DYSF: variants seen among roughly 807,000 people sequenced by gnomAD.
DYSF encodes the protein dystrophy-associated fer-1-like 1.
A neutral mutation model predicts 274.9 loss-of-function variants in DYSF; 212 were observed. The observed-to-expected ratio is 0.77, with a 90% CI of 0.69 to 0.86. DYSF has a LOEUF of 0.86. Ranked by LOEUF, DYSF falls within the 40% of genes least tolerant of loss-of-function variation. The pLI, the probability that DYSF is intolerant of heterozygous loss-of-function variation, is 0.00. For synonymous variants in DYSF, 1,091 were observed against 1,078.7 expected, an observed-to-expected ratio of 1.01 and a Z score of -0.22; for missense variants, 2,666 against 2,783.2, an observed-to-expected ratio of 0.96 and a Z score of 0.95.
intron 14 of DYSF, among the ~76,000 whole-genome samples, chr2:71,532,486 G>C (rs182844210): frequency 6.6e-6 from 1 of 152,364 alleles, no homozygotes; most frequent in East Asian, 1.9e-4. Context: ...CCCTGGCTGA[G>C]TGCCTGTGGG....
At chr2:71,481,068 G>A (rs1303391275) in intron 2 of DYSF, 130 bp downstream of exon 2, 2 of 912,928 alleles carry the variant, frequency 2.2e-6, no homozygotes, top group Non-Finnish European at 3.6e-6. Context: ...TGGTGGTCCA[G>A]CCTGCCAACG....
chr2:71,558,450 G>A (rs1559154187), intron 22 of DYSF, among the ~76,000 whole-genome samples: 1 of 152,178 alleles, frequency 6.6e-6, no homozygotes, highest in Non-Finnish European at 1.5e-5. Flanking sequence ...GGGCATCCCC[G>A]GGGCCCCAGA....
At chr2:71,467,521 T>G (rs1257185258) in intron 1 of DYSF, among the ~76,000 whole-genome samples, 3 of 152,206 alleles carry the variant, frequency 2.0e-5, no homozygotes, top group African/African-American at 7.2e-5. Flanking sequence ...CATGTAGTGC[T>G]TAGAATACAT....
At position 71,454,044 on chromosome 2, in the gene DYSF, G is replaced by C. The variant is rs140603487; in HGVS notation, c.46G>C (p.Asp16His). ...CTATGCCGAGAACGTCCACACACCC[G>C]ACACCGACATCAGCGATGCCTACTG... Residue 16 changes from aspartate to histidine, a missense_variant, in exon 1 of 55, where the codon GAC becomes CAC. Transcript: ENST00000258104. The C allele has an allele frequency of 1.6e-5, 26 of 1,614,030 alleles. No homozygotes were observed. The highest frequency in any genetic ancestry group is 1.0e-4 in the Admixed American group (6 of 60,006).
intron 41 of DYSF, among the ~76,000 whole-genome samples, chr2:71,632,518 A>G (rs1305701219): frequency 6.6e-6 from 1 of 152,178 alleles, no homozygotes; most frequent in Non-Finnish European, 1.5e-5. Context: ...AAGGCCTTCA[A>G]AAATAGTTTT....
At chr2:71,652,478 CA>C (rs2094683073) in intron 42 of DYSF, among the ~76,000 whole-genome samples, 1 of 152,050 alleles carries the variant, frequency 6.6e-6, no homozygotes. Flanking sequence ...ATAGTACCAA[CA>C]AAAGAAGCTT....
At chr2:71,625,755 T>A (rs143313059) in intron 41 of DYSF, among the ~76,000 whole-genome samples, 1,813 of 152,250 alleles carry the variant, frequency 0.012, 30 homozygotes, top group African/African-American at 0.041. Context: ...CAGACATTTT[T>A]ATTATATTGC....
chr2:71,464,785 T>C (rs1286830692), upstream of DYSF, among the ~76,000 whole-genome samples: 8 of 152,034 alleles, frequency 5.3e-5, no homozygotes, highest in East Asian at 7.7e-4. Flanking sequence ...GGATAGACCA[T>C]GGGGACAAGG....
intron 16 of DYSF, among the ~76,000 whole-genome samples, chr2:71,537,684 G>C (rs1179959557): frequency 6.6e-6 from 1 of 152,226 alleles, no homozygotes; most frequent in African/African-American, 2.4e-5. Flanking sequence ...GAAATACAAA[G>C]AGGAAGAAAG....
At chr2:71,560,226 G>GT (rs1316881181) in intron 22 of DYSF, among the ~76,000 whole-genome samples, 3 of 152,206 alleles carry the variant, frequency 2.0e-5, no homozygotes, top group Non-Finnish European at 4.4e-5. Context: ...GGTCCTAAAT[G>GT]TTTCTTGGGG....
intron 17 of DYSF, among the ~76,000 whole-genome samples, chr2:71,544,241 T>C (rs1261720840): frequency 2.6e-5 from 4 of 152,178 alleles, no homozygotes; most frequent in African/African-American, 9.7e-5. Context: ...CTGTTCAGTG[T>C]TGGTATCTCT....
chr2:71,478,305 G>A (rs565615217), intron 1 of DYSF, among the ~76,000 whole-genome samples: 3 of 151,306 alleles, frequency 2.0e-5, no homozygotes, highest in South Asian at 2.1e-4. Context: ...CCCGCCTCCT[G>A]GGTTCACGCC....
Position 71,466,865 on chromosome 2 carries a change from G to C in DYSF, c.23G>C (p.Arg8Thr). ...GCCATGCTGTGCTGCCTGCTGGTGA[G>C]GGCCAGCAACCTCCCCAGTGCGAAG... MLCCLLV[R>T]ASNLPSAKKD... The change falls in exon 1 of 56, where the codon AGG becomes ACG. Residue 8 changes from arginine (R) to threonine (T), a missense_variant. This residue lies in a region of DYSF where 794 missense variants were observed against 777.1 expected (regional missense o/e 1.02). Transcript: ENST00000410020. 2 of 1,545,854 alleles carry C rather than the reference G, an allele frequency of 1.3e-6. No individual in the cohort carries two copies. Among genetic ancestry groups the C allele is most frequent in the Non-Finnish European group, 1.8e-6 (2 of 1,142,786 alleles).
At position 71,547,725 on chromosome 2, in the gene DYSF, A is replaced by T. The variant is rs1051954714; in HGVS notation, c.1577-3316A>T. Among the ~76,000 whole-genome samples, 7 of 152,348 alleles carry T rather than the reference A, an allele frequency of 4.6e-5. No individual in the cohort carries two copies. In the South Asian group the frequency reaches 1.4e-3, roughly 32 times the overall value. On this transcript the variant is annotated intron_variant, in intron 17 of 55. Coordinates refer to ENST00000410020, the MANE Select transcript of DYSF (RefSeq NM_001130987.2). ...GAGGCAGGCTGCTTCGCAGCCACCC[A>T]CTTGATCCTCTGAGCCACCAGAGCC...
intron 42 of DYSF, among the ~76,000 whole-genome samples, chr2:71,654,916 AAAAAT>A (rs1279890920): frequency 2.6e-5 from 4 of 152,050 alleles, no homozygotes; most frequent in East Asian, 1.9e-4. Flanking sequence ...TCATCTCTAC[AAAAAT>A]AAAATAAAAT....
intron 41 of DYSF, among the ~76,000 whole-genome samples, chr2:71,624,334 A>G (rs2094166113): frequency 6.6e-6 from 1 of 152,090 alleles, no homozygotes; most frequent in South Asian, 2.1e-4. Flanking sequence ...TTTTAAGGAG[A>G]GCTTCTATTA....
At chr2:71,508,050 C>T (rs1472615805) in intron 4 of DYSF, among the ~76,000 whole-genome samples, 2 of 152,108 alleles carry the variant, frequency 1.3e-5, no homozygotes, top group African/African-American at 2.4e-5. Context: ...CTTGGAGGGC[C>T]GGAGTCAGCA....
chr2:71,602,719 C>T lies in DYSF; in HGVS notation c.3928-57C>T, dbSNP rs1006439097. The stretch of plus-strand genomic sequence containing the variant: ...TTGATACTAATAGAGAACTTTTTCC[C>T]CTTCCAACCCCTCTCACCATCTCCT... On this transcript the variant is annotated intron_variant, in intron 35 of 55. Transcript: ENST00000410020. The T allele has an allele frequency of 3.8e-6, 6 of 1,591,384 alleles. No homozygotes were observed. The African/African-American group carries it at 6.7e-5, about 18-fold the overall frequency.
chr2:71,655,218 CTAGT>C (rs1196157027), intron 42 of DYSF, among the ~76,000 whole-genome samples: 1 of 151,954 alleles, frequency 6.6e-6, no homozygotes, highest in Non-Finnish European at 1.5e-5. Context: ...GATCAAATAA[CTAGT>C]TATTTTTGAG....
Sources: allele counts gnomAD v4.1 joint callset (sites outside exome capture counted in the v4.1 genomes callset), GRCh38; gene constraint gnomAD v4.1.1; regional missense constraint gnomAD v4.1.1; transcripts MANE v1.5; gene names NCBI Gene and HGNC (gene_info 2026-07-23, HGNC 2026-07-21).